Variants in TMEM217B observed in about 807,000 individuals in gnomAD.
TMEM217B encodes transmembrane protein 217B, also known as putative transmembrane protein 217B.
the TMEM217B span, chr6:37,212,760 G>A: frequency 4.2e-5 from 29 of 693,778 alleles, no homozygotes; most frequent in African/African-American, 7.0e-5. Flanking sequence ...GGAAGCAGCC[G>A]ATGATGATGG....
chr6:37,246,208 C>G, the TMEM217B span, among the ~76,000 whole-genome samples: 1 of 152,134 alleles, frequency 6.6e-6, no homozygotes, highest in East Asian at 1.9e-4. Flanking sequence ...TCAGCTTTTG[C>G]CACAACAATG....
At chr6:37,216,083 A>G in the TMEM217B span, among the ~76,000 whole-genome samples, 1 of 151,502 alleles carries the variant, frequency 6.6e-6, no homozygotes, top group Non-Finnish European at 1.5e-5. Flanking sequence ...TTATTTATTT[A>G]TTTATTTATT....
chr6:37,222,958 G>C, the TMEM217B span, among the ~76,000 whole-genome samples: 1 of 152,230 alleles, frequency 6.6e-6, no homozygotes, highest in African/African-American at 2.4e-5. Context: ...AGAATTTCTA[G>C]AGATGAAAAA....
the TMEM217B span, chr6:37,215,361 G>T: frequency 6.7e-7 from 1 of 1,501,020 alleles, no homozygotes; most frequent in Non-Finnish European, 8.9e-7. Flanking sequence ...CGGATCACGA[G>T]GTCAGGAGTT....
chr6:37,218,363 GT>G, the TMEM217B span: 2 of 1,351,362 alleles, frequency 1.5e-6, no homozygotes, highest in East Asian at 2.3e-5. Flanking sequence ...TAGAGACGGG[GT>G]TTTGCCATGG....
At chr6:37,215,119 G>T in the TMEM217B span, 22 of 1,573,712 alleles carry the variant, frequency 1.4e-5, no homozygotes, top group South Asian at 2.3e-5. Context: ...TCTCTCTTGG[G>T]TCACTATAAT....
chr6:37,243,524 A>T, the TMEM217B span, among the ~76,000 whole-genome samples: 1 of 152,236 alleles, frequency 6.6e-6, no homozygotes, highest in African/African-American at 2.4e-5. Context: ...AATTGATATG[A>T]GGCTGGCCAT....
At chr6:37,225,019 A>C in the TMEM217B span, among the ~76,000 whole-genome samples, 3 of 151,436 alleles carry the variant, frequency 2.0e-5, no homozygotes, top group South Asian at 2.1e-4. Context: ...TAAAAAAAAA[A>C]AAAAAAACAC....
chr6:37,257,570 G>C, the TMEM217B span: 1 of 351,986 alleles, frequency 2.8e-6, no homozygotes, highest in Non-Finnish European at 5.3e-6. Context: ...TACCTTACCT[G>C]CTTCTTCCCT....
the TMEM217B span, among the ~76,000 whole-genome samples, chr6:37,243,211 G>A: frequency 6.6e-6 from 1 of 152,102 alleles, no homozygotes; most frequent in South Asian, 2.1e-4. Flanking sequence ...ATTTGGCAAG[G>A]GCTATTACTC....
the TMEM217B span, among the ~76,000 whole-genome samples, chr6:37,247,237 G>T: frequency 8.2e-4 from 125 of 152,228 alleles, no homozygotes; most frequent in Non-Finnish European, 1.5e-3. Flanking sequence ...GCTACTTATG[G>T]TTAATTTTAG....
At chr6:37,215,166 C>T in the TMEM217B span, 786 of 1,608,316 alleles carry the variant, frequency 4.9e-4, 14 homozygotes, top group South Asian at 7.8e-3. Flanking sequence ...TAGCCAAGGT[C>T]CTCTGGTACA....
the TMEM217B span, among the ~76,000 whole-genome samples, chr6:37,232,759 G>T: frequency 0.067 from 10,189 of 152,112 alleles, 1,099 homozygotes; most frequent in African/African-American, 0.23. Flanking sequence ...CCTGCCCTCC[G>T]CGGAATCTTC....
the TMEM217B span, among the ~76,000 whole-genome samples, chr6:37,242,254 C>T: frequency 6.6e-6 from 1 of 152,350 alleles, no homozygotes; most frequent in African/African-American, 2.4e-5. Context: ...TTCTGCCACT[C>T]TGGGGTCTGG....
At chr6:37,229,636 C>T in the TMEM217B span, among the ~76,000 whole-genome samples, 7 of 152,272 alleles carry the variant, frequency 4.6e-5, no homozygotes, top group South Asian at 2.1e-4. Flanking sequence ...GCCACCGCGC[C>T]GGCCAATGTG....
the TMEM217B span, chr6:37,218,415 G>A: frequency 3.2e-6 from 5 of 1,575,284 alleles, no homozygotes; most frequent in African/African-American, 1.3e-5. Context: ...GACCTCAGGC[G>A]ATCCACCTAC....
At chr6:37,226,868 A>T in the TMEM217B span, among the ~76,000 whole-genome samples, 1 of 152,244 alleles carries the variant, frequency 6.6e-6, no homozygotes, top group Non-Finnish European at 1.5e-5. Flanking sequence ...ACCCAGCCCA[A>T]GATCACCATT....
the TMEM217B span, among the ~76,000 whole-genome samples, chr6:37,238,741 G>GA: frequency 2.6e-5 from 4 of 152,210 alleles, no homozygotes; most frequent in Non-Finnish European, 5.9e-5. Flanking sequence ...AGTAGGCTAA[G>GA]GATGCCAACA....
At chr6:37,216,941 A>G in the TMEM217B span, among the ~76,000 whole-genome samples, 1 of 152,198 alleles carries the variant, frequency 6.6e-6, no homozygotes, top group Non-Finnish European at 1.5e-5. Flanking sequence ...TGGCACCTTG[A>G]TATTGAACTT....
Sources: gnomAD v4.1 joint callset for allele counts (sites outside exome capture counted in the v4.1 genomes callset) on GRCh38, gnomAD v4.1.1 for gene constraint, MANE v1.5 for transcripts, NCBI Gene and HGNC (gene_info 2026-07-23, HGNC 2026-07-21) for gene names.